CSMD2: variants seen among roughly 807,000 people sequenced by gnomAD.
CSMD2 encodes the protein CUB and Sushi multiple domains 2, also known as CUB and sushi domain-containing protein 2.
A neutral mutation model predicts 398.5 loss-of-function variants in CSMD2; 130 were observed. The observed-to-expected ratio is 0.33, with a 90% CI of 0.28 to 0.38. The LOEUF (loss-of-function observed/expected upper bound fraction) is 0.38, where lower values mean the gene tolerates loss of function less well. Ranked by LOEUF, CSMD2 falls within the 10% of genes least tolerant of loss-of-function variation. The pLI is 1.00. For synonymous variants in CSMD2, 1,828 were observed against 1,908.5 expected (o/e 0.96, Z 1.10); for missense variants, 3,829 against 4,764.9 (o/e 0.80, Z 5.78).
At chr1:33,554,042 G>A (rs1191539945) in intron 55 of CSMD2, among the ~76,000 whole-genome samples, 1 of 152,060 alleles carries the variant, frequency 6.6e-6, no homozygotes, top group Non-Finnish European at 1.5e-5. Flanking sequence ...TAAGGAAAGA[G>A]GCCATTTCTA....
At chr1:34,076,931 ATAT>A (rs1558342734) in intron 2 of CSMD2, among the ~76,000 whole-genome samples, 35 of 81,262 alleles carry the variant, frequency 4.3e-4, no homozygotes, top group African/African-American at 7.3e-4. Flanking sequence ...AAAAAAAAAT[ATAT>A]ATATATATAT....
At chr1:33,771,984 G>C (rs1353130141) in intron 13 of CSMD2, 5 of 152,322 alleles carry the variant, frequency 3.3e-5, no homozygotes, top group Non-Finnish European at 7.3e-5. Flanking sequence ...CAAGAGGAAG[G>C]AAGAAGGGCT....
At chr1:33,922,590 C>T (rs1395859921) in intron 4 of CSMD2, among the ~76,000 whole-genome samples, 1 of 152,154 alleles carries the variant, frequency 6.6e-6, no homozygotes, top group African/African-American at 2.4e-5. Context: ...CTCTCAAACC[C>T]AACCCAACCA....
intron 6 of CSMD2, among the ~76,000 whole-genome samples, chr1:33,837,966 G>T (rs900425354): frequency 2.6e-5 from 4 of 152,216 alleles, no homozygotes; most frequent in Non-Finnish European, 5.9e-5. Context: ...CAATACAAAT[G>T]TCTCTCTAGT....
At chr1:34,043,719 AG>A (rs1652149419) in intron 2 of CSMD2, among the ~76,000 whole-genome samples, 1 of 152,196 alleles carries the variant, frequency 6.6e-6, no homozygotes, top group African/African-American at 2.4e-5. Flanking sequence ...GGATTTCAGG[AG>A]GGTTCCCTCC....
In CSMD2 at chr1:33,600,186, G is replaced by A. The variant is rs558197790; in HGVS notation, c.6856+679C>T. On this transcript the variant is annotated intron_variant, in intron 44 of 70. Coordinates refer to ENST00000373381, the MANE Select transcript of CSMD2 (RefSeq NM_001281956.2). ...AGGTTTTACACAGCTGGCCCAAGGT[G>A]GAGCTGGGAGTAAAATCCAGCTTTC... The A allele has an allele frequency of 4.5e-5, 32 of 715,896 alleles. No homozygotes were observed. The African/African-American group carries it at 5.1e-4, about 11-fold the overall frequency. 44.3% of individuals were successfully genotyped at this position (715,896 alleles called of 1,614,324 possible).
chr1:33,858,477 T>A (rs573432958), intron 5 of CSMD2, among the ~76,000 whole-genome samples: 15 of 152,332 alleles, frequency 9.8e-5, no homozygotes, highest in African/African-American at 2.9e-4. Context: ...GTTCGAAGCC[T>A]GGCTCTGCCA....
In CSMD2 at chr1:33,966,192, T is replaced by C. The variant is rs185302726; in HGVS notation, c.518-30238A>G. On this transcript the variant is annotated intron_variant, in intron 3 of 70. Coordinates refer to ENST00000373381, the MANE Select transcript of CSMD2 (RefSeq NM_001281956.2). Reference sequence around the variant, plus strand: ...TCCAAGGAGTCCAGCCTTGAGCCTCTGGTCTTGACTCCAGATTCTGCCAGC... The same window carrying C: ...TCCAAGGAGTCCAGCCTTGAGCCTCCGGTCTTGACTCCAGATTCTGCCAGC... 1.7e-3 allele frequency among the ~76,000 whole-genome samples: 254 copies of C among 152,318 alleles called. 1 individual carries two copies. The highest frequency in any genetic ancestry group is 6.0e-3 in the African/African-American group (249 of 41,570).
In CSMD2 at chr1:33,597,669, T is replaced by C. The variant is rs1026382045; in HGVS notation, c.6856+3196A>G. Reference sequence around the variant, plus strand: ...TTGCTGGGAAGAGTGTAAATGGTTATAACTGCTTCTAAGATAAATTGAGCA... The same window carrying C: ...TTGCTGGGAAGAGTGTAAATGGTTACAACTGCTTCTAAGATAAATTGAGCA... On this transcript the variant is annotated intron_variant, in intron 44 of 70. Coordinates refer to ENST00000373381, the MANE Select transcript of CSMD2 (RefSeq NM_001281956.2). 2.0e-5 allele frequency among the ~76,000 whole-genome samples: 3 copies of C among 152,248 alleles called. No homozygotes were observed. In the East Asian group the frequency reaches 5.8e-4, roughly 29 times the overall value.
At chr1:34,124,054 A>G (rs920900985) in intron 1 of CSMD2, among the ~76,000 whole-genome samples, 2 of 152,234 alleles carry the variant, frequency 1.3e-5, no homozygotes, top group African/African-American at 4.8e-5. Flanking sequence ...CCTCAAAGGC[A>G]AAATAATCTT....
chr1:33,865,445 T>G (rs1037058316), intron 5 of CSMD2, among the ~76,000 whole-genome samples: 20 of 150,138 alleles, frequency 1.3e-4, no homozygotes, highest in African/African-American at 4.7e-4. Context: ...AGATCAATCG[T>G]TTTTCAGTGG....
intron 13 of CSMD2, among the ~76,000 whole-genome samples, chr1:33,763,865 A>G (rs574409471): frequency 6.6e-6 from 1 of 152,144 alleles, no homozygotes; most frequent in South Asian, 2.1e-4. Flanking sequence ...ATATAGGCCC[A>G]CTCAGTTTTA....
chr1:33,917,432 C>G (rs959420235), intron 5 of CSMD2, among the ~76,000 whole-genome samples: 1 of 152,194 alleles, frequency 6.6e-6, no homozygotes, highest in Non-Finnish European at 1.5e-5. Flanking sequence ...GATACTTCCT[C>G]AAGCCATCCT....
rs373758670 is a variant in CSMD2 at position 34,050,124 on chromosome 1, G to A, written c.405-17418C>T. On this transcript the variant is annotated intron_variant, in intron 2 of 70. Coordinates refer to ENST00000373381, the MANE Select transcript of CSMD2 (RefSeq NM_001281956.2). ...CTACTGTTTAAGCCACCCAGTCTAC[G>A]AGTATTTTCTGATGGCAGCCCAAAG... 3.3e-5 allele frequency among the ~76,000 whole-genome samples: 5 copies of A among 152,154 alleles called. No homozygotes were observed. The East Asian group carries it at 5.8e-4, about 18-fold the overall frequency.
In CSMD2 at chr1:33,529,108, C is replaced by T. The variant is rs559696568; in HGVS notation, c.10172-1850G>A. 1.8e-4 allele frequency among the ~76,000 whole-genome samples: 28 copies of T among 152,276 alleles called. No homozygotes were observed. The South Asian group carries it at 4.8e-3, about 26-fold the overall frequency. On this transcript the variant is annotated intron_variant, in intron 64 of 70. Coordinates refer to ENST00000373381, the MANE Select transcript of CSMD2 (RefSeq NM_001281956.2). ...AAAGAACAAAGTTGGATAATTGATA[C>T]GTCCCAATATTTTTTGTTTTCTTTC...
At chr1:33,762,163 A>C (rs1649897726) in intron 13 of CSMD2, among the ~76,000 whole-genome samples, 1 of 152,250 alleles carries the variant, frequency 6.6e-6, no homozygotes, top group African/African-American at 2.4e-5. Flanking sequence ...TGTTCAAGTA[A>C]GATGACAAAT....
chr1:33,864,564 A>G (rs1233348832), intron 5 of CSMD2: 1 of 1,614,092 alleles, frequency 6.2e-7, no homozygotes, highest in South Asian at 1.1e-5. Context: ...GCAGGTGGCC[A>G]AGGCCACAGG....
At chr1:33,864,531 G>A (rs750714730) in intron 5 of CSMD2, 35 of 1,614,142 alleles carry the variant, frequency 2.2e-5, no homozygotes, top group South Asian at 4.4e-5. Context: ...GCTGAAGAGG[G>A]AGAACCCGAA....
chr1:33,920,988 T>C (rs1026445199), intron 4 of CSMD2, among the ~76,000 whole-genome samples: 1 of 152,102 alleles, frequency 6.6e-6, no homozygotes, highest in Non-Finnish European at 1.5e-5. Flanking sequence ...ACAGTTCAAG[T>C]TGGGGAGTGT....
Sources: allele counts gnomAD v4.1 joint callset (sites outside exome capture counted in the v4.1 genomes callset), GRCh38; gene constraint gnomAD v4.1.1; transcripts MANE v1.5; gene names NCBI Gene and HGNC (gene_info 2026-07-23, HGNC 2026-07-21).